The following PTPRN2 variants were observed in gnomAD, a reference collection of about 807,000 sequenced individuals.
PTPRN2 encodes the protein protein tyrosine phosphatase receptor type N2, also known as receptor-type tyrosine-protein phosphatase N2.
PTPRN2 carries 74 observed loss-of-function variants against 118.8 expected under a neutral mutation model. That is an observed-to-expected ratio of 0.62 (90% CI 0.52 to 0.76). The LOEUF (loss-of-function observed/expected upper bound fraction) is 0.76, where lower values mean the gene tolerates loss of function less well. Among genes scored for constraint, PTPRN2 ranks in the 30% least tolerant of loss-of-function variants. The pLI is 0.00. For missense variants in PTPRN2, 1,481 were observed against 1,394.4 expected, an observed-to-expected ratio of 1.06 and a Z score of -0.99; for synonymous variants, 641 against 608.0, an observed-to-expected ratio of 1.05 and a Z score of -0.80.
At position 158,136,045 on chromosome 7, in the gene PTPRN2, CT is replaced by C. The variant is rs368292801; in HGVS notation, c.1173+609del. ...CGTGGACATCGCCTGCGACTGGGCC[CT>C]TCTTCTGACTGCCTCCGGAGCAGCA... On this transcript the variant is annotated intron_variant, in intron 8 of 22. Transcript: ENST00000389418. Among the ~76,000 whole-genome samples, 316 of 152,330 alleles carry C rather than the reference CT, an allele frequency of 2.1e-3. 2 individuals carry two copies. The highest frequency in any genetic ancestry group is 6.9e-3 in the African/African-American group (287 of 41,580).
intron 9 of PTPRN2, among the ~76,000 whole-genome samples, chr7:158,126,292 A>G (rs112798881): frequency 6.6e-4 from 5 of 7,586 alleles, no homozygotes; most frequent in Admixed American, 1.0e-3. Context: ...GGGCGGCGGA[A>G]CTTCCTCTCC....
At position 158,451,516 on chromosome 7, in the gene PTPRN2, G is replaced by A. The variant is rs140089800; in HGVS notation, c.163+38219C>T. 4.5e-4 allele frequency among the ~76,000 whole-genome samples: 69 copies of A among 152,260 alleles called. 1 individual carries two copies. Among genetic ancestry groups the A allele is most frequent in the Middle Eastern group, 6.8e-3 (2 of 294 alleles). ...CATGAGCACAGGAGTTGGTGTCTCC[G>A]AAAGAAATTCGGTCCAGGTTCATCT... On this transcript the variant is annotated intron_variant, in intron 2 of 22. Transcript: ENST00000389418.
At chr7:157,825,415 C>G (rs763450920) in intron 12 of PTPRN2, among the ~76,000 whole-genome samples, 50 of 152,292 alleles carry the variant, frequency 3.3e-4, no homozygotes, top group Admixed American at 1.5e-3. Context: ...CTGCCTCCCC[C>G]CCAGACTTCT....
intron 6 of PTPRN2, among the ~76,000 whole-genome samples, chr7:158,160,230 G>A (rs1563536947): frequency 6.6e-6 from 1 of 152,194 alleles, no homozygotes; most frequent in Non-Finnish European, 1.5e-5. Flanking sequence ...TTTCTGGGAG[G>A]TGTCTCCAGG....
intron 12 of PTPRN2, among the ~76,000 whole-genome samples, chr7:157,776,476 T>C (rs1407307801): frequency 3.2e-5 from 4 of 123,550 alleles, no homozygotes; most frequent in African/African-American, 7.1e-5. Context: ...TCCTTCTCCC[T>C]CTCCTCCTCC....
intron 11 of PTPRN2, among the ~76,000 whole-genome samples, chr7:158,078,190 T>C (rs141002166): frequency 2.6e-4 from 40 of 152,308 alleles, no homozygotes; most frequent in African/African-American, 9.4e-4. Context: ...AGGTTTTGTA[T>C]CATTTTGTAT....
chr7:157,915,529 C>G (rs1010646593), intron 11 of PTPRN2, among the ~76,000 whole-genome samples: 1 of 149,830 alleles, frequency 6.7e-6, no homozygotes, highest in African/African-American at 2.5e-5. Context: ...CAATGGAGAG[C>G]TGAGAAGACA....
intron 12 of PTPRN2, among the ~76,000 whole-genome samples, chr7:157,885,233 C>T (rs374710475): frequency 1.5e-4 from 23 of 152,222 alleles, no homozygotes; most frequent in African/African-American, 4.8e-4. Context: ...AAGGCTGGAA[C>T]GACAGCCCCC....
intron 12 of PTPRN2, among the ~76,000 whole-genome samples, chr7:157,841,584 C>A (rs552396076): frequency 6.6e-6 from 1 of 152,148 alleles, no homozygotes; most frequent in Admixed American, 6.5e-5. Context: ...CAGTAATTAC[C>A]CGAGGCTGCT....
intron 2 of PTPRN2, among the ~76,000 whole-genome samples, chr7:158,347,979 C>T (rs1446400465): frequency 6.6e-6 from 1 of 152,142 alleles, no homozygotes. Flanking sequence ...GGCTGTCAAT[C>T]CCTAAACTTG....
chr7:157,925,620 G>A (rs1267693731), intron 11 of PTPRN2, among the ~76,000 whole-genome samples: 2 of 152,084 alleles, frequency 1.3e-5, no homozygotes, highest in Non-Finnish European at 2.9e-5. Flanking sequence ...AACCGCATGG[G>A]GCCACAGAGT....
chr7:157,717,627 C>T (rs1199308593), intron 12 of PTPRN2, among the ~76,000 whole-genome samples: 1 of 152,264 alleles, frequency 6.6e-6, no homozygotes, highest in Non-Finnish European at 1.5e-5. Context: ...GGACACAGCT[C>T]CACGCCTCAC....
chr7:158,129,014 T>C (rs1016119331), intron 9 of PTPRN2, among the ~76,000 whole-genome samples: 2 of 148,738 alleles, frequency 1.3e-5, no homozygotes, highest in South Asian at 4.3e-4. Flanking sequence ...TGCAACACAC[T>C]ATGTGCCACA....
rs556322479 is a variant in PTPRN2 at position 158,164,341 on chromosome 7, G to C, written c.910+2590C>G. On this transcript the variant is annotated intron_variant, in intron 6 of 22. Coordinates refer to ENST00000389418, the MANE Select transcript of PTPRN2 (RefSeq NM_002847.5). ...TGCGTAAGAAGGGCACGCAGAGCAGGAGTGGCGCGTAAGAAGGGCACGCAG... is the reference window on the plus strand; with the variant it reads ...TGCGTAAGAAGGGCACGCAGAGCAGCAGTGGCGCGTAAGAAGGGCACGCAG... Among the ~76,000 whole-genome samples the C allele has an allele frequency of 1.2e-3, 172 of 146,066 alleles. 5 individuals carry two copies. Among genetic ancestry groups the C allele is most frequent in the Non-Finnish European group, 1.5e-4 (10 of 66,144 alleles).
chr7:157,818,065 GGTGT>G (rs1252315068), intron 12 of PTPRN2, among the ~76,000 whole-genome samples: 2 of 126,432 alleles, frequency 1.6e-5, no homozygotes, highest in Non-Finnish European at 3.1e-5. Flanking sequence ...TGGCATGTGT[GGTGT>G]GTGTGGTGTG....
rs377159357 is a variant in PTPRN2 at position 158,360,857 on chromosome 7, C to T, written c.164-43925G>A. On this transcript the variant is annotated intron_variant, in intron 2 of 22. Coordinates refer to ENST00000389418, the MANE Select transcript of PTPRN2 (RefSeq NM_002847.5). ...CGCACAGACCCCACATCCACCCTCACCCAGGACGACGCACAGACCCCGCGT... is the reference window on the plus strand; with the variant it reads ...CGCACAGACCCCACATCCACCCTCATCCAGGACGACGCACAGACCCCGCGT... Among the ~76,000 whole-genome samples the T allele has an allele frequency of 3.7e-3, 14 of 3,800 alleles. 4 individuals are homozygous for T. The highest frequency in any genetic ancestry group is 0.012 in the African/African-American group (3 of 248). 2.5% of individuals were successfully genotyped at this position (3,800 alleles called of 152,430 possible).
At chr7:157,949,089 T>C (rs532454987) in intron 11 of PTPRN2, among the ~76,000 whole-genome samples, 19 of 152,288 alleles carry the variant, frequency 1.2e-4, no homozygotes, top group African/African-American at 4.3e-4. Context: ...TGACCACAAA[T>C]GTTCCAAAAT....
intron 1 of PTPRN2, among the ~76,000 whole-genome samples, chr7:158,585,350 A>G (rs1349661130): frequency 6.6e-6 from 1 of 152,232 alleles, no homozygotes; most frequent in Non-Finnish European, 1.5e-5. Flanking sequence ...CTCTTTGTCT[A>G]TACCACTGGG....
intron 3 of PTPRN2, among the ~76,000 whole-genome samples, chr7:158,240,522 G>C (rs1795848122): frequency 2.0e-5 from 3 of 152,170 alleles, no homozygotes; most frequent in Non-Finnish European, 4.4e-5. Flanking sequence ...ACTGCCTCCT[G>C]GGGTCAAGTG....
Sources: gnomAD v4.1 joint callset for allele counts (sites outside exome capture counted in the v4.1 genomes callset) on GRCh38, gnomAD v4.1.1 for gene constraint, MANE v1.5 for transcripts, NCBI Gene and HGNC (gene_info 2026-07-23, HGNC 2026-07-21) for gene names.